Variants in KCNH7 observed in about 807,000 individuals in gnomAD.
The protein encoded by KCNH7 is voltage-gated inwardly rectifying potassium channel KCNH7.
A neutral mutation model predicts 120.8 loss-of-function variants in KCNH7; 49 were observed. That is an observed-to-expected ratio of 0.41 (90% CI 0.32 to 0.51). KCNH7 has a LOEUF of 0.51. Among genes scored for constraint, KCNH7 ranks in the 20% least tolerant of loss-of-function variants. KCNH7 has a pLI of 0.38. For missense variants in KCNH7, 1,097 were observed against 1,446.6 expected, an observed-to-expected ratio of 0.76 and a Z score of 3.92; for synonymous variants, 547 against 516.1, an observed-to-expected ratio of 1.06 and a Z score of -0.81.
At chr2:162,538,370 T>C (rs1692184746) in intron 2 of KCNH7, among the ~76,000 whole-genome samples, 1 of 152,026 alleles carries the variant, frequency 6.6e-6, no homozygotes, top group Non-Finnish European at 1.5e-5. Context: ...TCGACTGCTT[T>C]TTTTCACAAC....
intron 3 of KCNH7, among the ~76,000 whole-genome samples, chr2:162,519,752 A>T (rs988891738): frequency 6.6e-5 from 10 of 151,822 alleles, no homozygotes; most frequent in Non-Finnish European, 1.2e-4. Flanking sequence ...TTACAATTAC[A>T]CACTGACCTT....
At chr2:162,786,529 A>C (rs1464271661) in intron 2 of KCNH7, among the ~76,000 whole-genome samples, 1 of 152,198 alleles carries the variant, frequency 6.6e-6, no homozygotes. Context: ...TTTAAAATGC[A>C]TATGATTTTT....
intron 9 of KCNH7, among the ~76,000 whole-genome samples, chr2:162,401,701 G>T (rs965036617): frequency 6.6e-6 from 1 of 151,908 alleles, no homozygotes; most frequent in East Asian, 1.9e-4. Context: ...TAGGATACCT[G>T]AAGCATAATA....
chr2:162,747,892 G>A (rs914988041), intron 2 of KCNH7, among the ~76,000 whole-genome samples: 3 of 152,148 alleles, frequency 2.0e-5, no homozygotes, highest in Non-Finnish European at 2.9e-5. Context: ...ATGCACAAAT[G>A]TCTATAAAGT....
chr2:162,652,428 G>A (rs1238783143), intron 2 of KCNH7, among the ~76,000 whole-genome samples: 1 of 152,118 alleles, frequency 6.6e-6, no homozygotes, highest in Non-Finnish European at 1.5e-5. Context: ...GTGGTGGAGA[G>A]TGTGGGGGGA....
At chr2:162,558,031 C>T (rs369602454) in intron 2 of KCNH7, among the ~76,000 whole-genome samples, 1 of 152,138 alleles carries the variant, frequency 6.6e-6, no homozygotes, top group East Asian at 1.9e-4. Flanking sequence ...ATTTCTAAAG[C>T]CCTTTTCCAT....
At chr2:162,686,158 G>A (rs1263234694) in intron 2 of KCNH7, among the ~76,000 whole-genome samples, 3 of 152,060 alleles carry the variant, frequency 2.0e-5, no homozygotes, top group African/African-American at 7.2e-5. Flanking sequence ...CTAAGATTTT[G>A]CTGTCATCCT....
intron 2 of KCNH7, among the ~76,000 whole-genome samples, chr2:162,584,208 T>C (rs1445270275): frequency 1.3e-5 from 2 of 152,132 alleles, no homozygotes; most frequent in Non-Finnish European, 1.5e-5. Context: ...CCATATGCTG[T>C]TTGATGATGT....
chr2:162,445,352 A>G (rs968155170), intron 7 of KCNH7, among the ~76,000 whole-genome samples: 1 of 152,178 alleles, frequency 6.6e-6, no homozygotes, highest in African/African-American at 2.4e-5. Context: ...TACAGAATTC[A>G]GAAAGTTTAT....
At chr2:162,499,580 G>A (rs1004900311) in intron 6 of KCNH7, among the ~76,000 whole-genome samples, 1 of 152,186 alleles carries the variant, frequency 6.6e-6, no homozygotes, top group Non-Finnish European at 1.5e-5. Flanking sequence ...GACCAATAAG[G>A]CCAAAAGAGG....
At chr2:162,715,513 C>A (rs1004614962) in intron 2 of KCNH7, among the ~76,000 whole-genome samples, 1 of 152,180 alleles carries the variant, frequency 6.6e-6, no homozygotes, top group African/African-American at 2.4e-5. Context: ...AGATCATCAG[C>A]TCTCCCTGTA....
intron 2 of KCNH7, among the ~76,000 whole-genome samples, chr2:162,579,231 C>T (rs1284228878): frequency 2.0e-5 from 3 of 151,986 alleles, no homozygotes; most frequent in Non-Finnish European, 2.9e-5. Context: ...ATATGAAGCT[C>T]GTCTCTCCTC....
intron 2 of KCNH7, among the ~76,000 whole-genome samples, chr2:162,663,406 A>G (rs1559070601): frequency 6.6e-6 from 1 of 152,128 alleles, no homozygotes; most frequent in Non-Finnish European, 1.5e-5. Flanking sequence ...ATATATTTTG[A>G]TGATAATTCT....
intron 8 of KCNH7, among the ~76,000 whole-genome samples, chr2:162,434,496 T>TC (rs1688174811): frequency 6.6e-6 from 1 of 152,106 alleles, no homozygotes; most frequent in Non-Finnish European, 1.5e-5. Flanking sequence ...CTTCAGTGGC[T>TC]CCGCAGCGTT....
chr2:162,730,483 T>C (rs1687685733), intron 2 of KCNH7, among the ~76,000 whole-genome samples: 1 of 151,922 alleles, frequency 6.6e-6, no homozygotes, highest in South Asian at 2.1e-4. Context: ...CATTAAAGAA[T>C]ACTATTATAA....
At chr2:162,647,111 A>G (rs971414395) in intron 2 of KCNH7, among the ~76,000 whole-genome samples, 1 of 152,202 alleles carries the variant, frequency 6.6e-6, no homozygotes, top group Non-Finnish European at 1.5e-5. Context: ...GCTGGCTCCA[A>G]AAAGAAAAGA....
intron 2 of KCNH7, among the ~76,000 whole-genome samples, chr2:162,744,260 A>T (rs1457326753): frequency 6.6e-6 from 1 of 152,196 alleles, no homozygotes. Flanking sequence ...AATTGTCCCA[A>T]AATACTCATT....
intron 6 of KCNH7, among the ~76,000 whole-genome samples, chr2:162,456,228 T>A (rs1688958661): frequency 6.6e-6 from 1 of 152,152 alleles, no homozygotes; most frequent in Non-Finnish European, 1.5e-5. Context: ...TTGTTCAATT[T>A]CCATGTAGTT....
At chr2:162,519,713 A>G (rs770836879) in intron 3 of KCNH7, among the ~76,000 whole-genome samples, 1 of 151,852 alleles carries the variant, frequency 6.6e-6, no homozygotes, top group Non-Finnish European at 1.5e-5. Context: ...TTGTTCCCAC[A>G]GTAGTCTAGG....
Sources: gnomAD v4.1 joint callset for allele counts (sites outside exome capture counted in the v4.1 genomes callset) on GRCh38, gnomAD v4.1.1 for gene constraint, MANE v1.5 for transcripts, NCBI Gene and HGNC (gene_info 2026-07-23, HGNC 2026-07-21) for gene names.